The following TMPRSS11F variants were observed in gnomAD, a reference collection of about 807,000 sequenced individuals.
TMPRSS11F encodes transmembrane protease serine 11F.
A neutral mutation model predicts 60.2 loss-of-function variants in TMPRSS11F; 47 were observed. The ratio of observed to expected loss-of-function variants is 0.78; its 90% confidence interval spans 0.62 to 1.00. The LOEUF (loss-of-function observed/expected upper bound fraction) is 1.00, where lower values mean the gene tolerates loss of function less well. Among genes scored for constraint, TMPRSS11F ranks in the 50% least tolerant of loss-of-function variants. The probability of loss-of-function intolerance (pLI) is 0.00; values close to 1 mark genes in which losing one functional copy is unlikely to be tolerated. For synonymous variants in TMPRSS11F, 166 were observed against 167.3 expected, an observed-to-expected ratio of 0.99 and a Z score of 0.06; for missense variants, 519 against 522.9, an observed-to-expected ratio of 0.99 and a Z score of 0.07.
chr4:68,102,282 G>A (rs1170946906), intron 1 of TMPRSS11F, among the ~76,000 whole-genome samples: 1 of 152,040 alleles, frequency 6.6e-6, no homozygotes, highest in African/African-American at 2.4e-5. Flanking sequence ...AATGAATATG[G>A]GAGTGCAGAT....
At chr4:68,107,193 C>T (rs1724319709) in intron 1 of TMPRSS11F, among the ~76,000 whole-genome samples, 1 of 152,116 alleles carries the variant, frequency 6.6e-6, no homozygotes, top group Admixed American at 6.6e-5. Context: ...TCATTTAGTA[C>T]ATGTTCAGTT....
At chr4:68,120,107 C>T (rs1306930229) in intron 1 of TMPRSS11F, among the ~76,000 whole-genome samples, 3 of 152,168 alleles carry the variant, frequency 2.0e-5, no homozygotes, top group Non-Finnish European at 4.4e-5. Context: ...GAAGACATGA[C>T]TCAAATGCTG....
intron 1 of TMPRSS11F, among the ~76,000 whole-genome samples, chr4:68,129,074 C>A (rs550290456): frequency 6.6e-6 from 1 of 152,032 alleles, no homozygotes; most frequent in Non-Finnish European, 1.5e-5. Context: ...GATCGAGAAC[C>A]TTTTTAAGAA....
intron 1 of TMPRSS11F, among the ~76,000 whole-genome samples, chr4:68,099,909 T>G (rs1724154424): frequency 6.6e-6 from 1 of 152,100 alleles, no homozygotes; most frequent in Non-Finnish European, 1.5e-5. Flanking sequence ...CAAGTAGTTA[T>G]TATATAGTGT....
chr4:68,120,278 A>G (rs1724598224), intron 1 of TMPRSS11F, among the ~76,000 whole-genome samples: 1 of 152,226 alleles, frequency 6.6e-6, no homozygotes, highest in African/African-American at 2.4e-5. Context: ...CTTAGTTGAT[A>G]AAGCAGTGGC....
Position 68,101,632 on chromosome 4 carries a change from A to G in TMPRSS11F, c.12-2594T>C, listed in dbSNP as rs993655024. Among the ~76,000 whole-genome samples the G allele has an allele frequency of 3.9e-5, 6 of 152,160 alleles. No individual in the cohort carries two copies. The East Asian group carries it at 5.8e-4, about 15-fold the overall frequency. ...ATGTTTCTCCTGATTTGTACATGAC[A>G]ATTTTTTGTTCATTTAAACCCGAAT... On this transcript the variant is annotated intron_variant, in intron 1 of 9. Transcript: ENST00000356291.
intron 3 of TMPRSS11F, among the ~76,000 whole-genome samples, chr4:68,079,577 A>G (rs193057916): frequency 1.9e-4 from 29 of 152,304 alleles, no homozygotes; most frequent in Non-Finnish European, 3.1e-4. Flanking sequence ...TAGTTTCTGG[A>G]AAGTTTAACT....
intron 6 of TMPRSS11F, 135 bp from the exon 7 acceptor site, chr4:68,068,954 T>TCAGCAC: frequency 1.2e-6 from 1 of 849,482 alleles, no homozygotes; most frequent in Admixed American, 2.2e-5. Context: ...TTTGAGCTTA[T>TCAGCAC]TTGATACAGG....
intron 3 of TMPRSS11F, among the ~76,000 whole-genome samples, chr4:68,076,246 C>G (rs746123350): frequency 1.3e-5 from 2 of 152,120 alleles, no homozygotes; most frequent in Non-Finnish European, 2.9e-5. Flanking sequence ...ATATAATTAC[C>G]ATTTCTAGTT....
At chr4:68,075,364 GGAT>G (rs1208216081) in intron 3 of TMPRSS11F, among the ~76,000 whole-genome samples, 1 of 152,074 alleles carries the variant, frequency 6.6e-6, no homozygotes, top group Non-Finnish European at 1.5e-5. Flanking sequence ...ACTGCAACCA[GGAT>G]GATATCTTTA....
In TMPRSS11F at chr4:68,120,500, T is replaced by C. The variant is rs368372563; in HGVS notation, c.11+9310A>G. On this transcript the variant is annotated intron_variant, in intron 1 of 9. Coordinates refer to ENST00000356291, the MANE Select transcript of TMPRSS11F (RefSeq NM_207407.2). ...GCCTCCCGGGTTCACGCCATTCTCC[T>C]GCCTCAGCCTCCCAAGTAGCTGGGA... Among the ~76,000 whole-genome samples, 54 of 149,938 alleles carry C rather than the reference T, an allele frequency of 3.6e-4. 1 individual carries two copies. The highest frequency in any genetic ancestry group is 1.1e-3 in the African/African-American group (43 of 40,528).
At chr4:68,062,968 G>T in intron 8 of TMPRSS11F, 2 of 723,524 alleles carry the variant, frequency 2.8e-6, no homozygotes, top group Non-Finnish European at 5.2e-6. Context: ...GAACTGACCC[G>T]TCTTCGAGAG....
chr4:68,072,316 G>T lies in TMPRSS11F; in HGVS notation c.514+7C>A. 6.6e-7 allele frequency: 1 copy of T among 1,507,468 alleles called. No individual in the cohort carries two copies. The highest frequency in any genetic ancestry group is 8.9e-7 in the Non-Finnish European group (1 of 1,123,970). The allele number at this position is 1,507,468 out of a possible 1,614,324, so 93.4% of individuals were successfully genotyped here. On this transcript the variant is annotated splice_region_variant and intron_variant, in intron 5 of 9. Transcript: ENST00000356291. The stretch of plus-strand genomic sequence containing the variant: ...ACAAAAGTGGCAAATAAAAATAAAA[G>T]ACTTACGTGTGAGTCTAAATGATGG...
chr4:68,100,429 TATTG>T (rs1724168865), intron 1 of TMPRSS11F, among the ~76,000 whole-genome samples: 1 of 152,130 alleles, frequency 6.6e-6, no homozygotes, highest in African/African-American at 2.4e-5. Context: ...TTAGAGGTCA[TATTG>T]ATGGTCCAGG....
intron 1 of TMPRSS11F, among the ~76,000 whole-genome samples, chr4:68,107,795 G>C (rs1010970822): frequency 6.6e-6 from 1 of 152,142 alleles, no homozygotes. Flanking sequence ...AAATTAGCTG[G>C]GTGTGGTAGC....
At chr4:68,102,223 A>G (rs1724206379) in intron 1 of TMPRSS11F, among the ~76,000 whole-genome samples, 1 of 152,116 alleles carries the variant, frequency 6.6e-6, no homozygotes, top group Admixed American at 6.6e-5. Flanking sequence ...CCATCTGTCA[A>G]TGGACACTTA....
chr4:68,086,361 G>C lies in TMPRSS11F; in HGVS notation c.282+4162C>G, dbSNP rs187547160. Reference sequence around the variant, plus strand: ...AGGCACAAGACATCAACATCTTTGGGGTGCAGCTAAAGCAGTGTTAAGAGG... The same window carrying C: ...AGGCACAAGACATCAACATCTTTGGCGTGCAGCTAAAGCAGTGTTAAGAGG... On this transcript the variant is annotated intron_variant, in intron 3 of 9. Transcript: ENST00000356291. Among the ~76,000 whole-genome samples the C allele has an allele frequency of 2.0e-3, 306 of 152,122 alleles. 1 individual carries two copies. The highest frequency in any genetic ancestry group is 7.1e-3 in the African/African-American group (293 of 41,498).
chr4:68,113,608 T>C (rs1724455546), intron 1 of TMPRSS11F, among the ~76,000 whole-genome samples: 1 of 152,182 alleles, frequency 6.6e-6, no homozygotes, highest in Admixed American at 6.5e-5. Flanking sequence ...TAAATGTGTA[T>C]GCAACTAACC....
At chr4:68,092,092 C>T (rs1026052295) in intron 2 of TMPRSS11F, among the ~76,000 whole-genome samples, 6 of 151,912 alleles carry the variant, frequency 3.9e-5, no homozygotes, top group Non-Finnish European at 8.8e-5. Context: ...GGCCAGATCT[C>T]CAATCTCTTA....
Sources: gnomAD v4.1 joint callset for allele counts (sites outside exome capture counted in the v4.1 genomes callset) on GRCh38, gnomAD v4.1.1 for gene constraint, MANE v1.5 for transcripts, NCBI Gene and HGNC (gene_info 2026-07-23, HGNC 2026-07-21) for gene names.